UBE2H: variants seen among roughly 807,000 people sequenced by gnomAD.
UBE2H encodes ubiquitin-conjugating enzyme E2 H.
A neutral mutation model predicts 29.0 loss-of-function variants in UBE2H; 3 were observed. The ratio of observed to expected loss-of-function variants is 0.10; its 90% CI spans 0.05 to 0.27. UBE2H has a LOEUF of 0.27. Ranked by LOEUF, UBE2H falls within the 10% of genes least tolerant of loss-of-function variation. The pLI is 1.00. For synonymous variants in UBE2H, 69 were observed against 82.9 expected (o/e 0.83, Z 0.91); for missense variants, 68 against 228.2 (o/e 0.30, Z 4.52).
chr7:129,903,431 A>G (rs1324281985), intron 1 of UBE2H, among the ~76,000 whole-genome samples: 2 of 152,230 alleles, frequency 1.3e-5, no homozygotes, highest in Non-Finnish European at 2.9e-5. Context: ...GGAACATCCT[A>G]AGAGTGTCTG....
intron 1 of UBE2H, among the ~76,000 whole-genome samples, chr7:129,900,012 C>G (rs571787763): frequency 6.6e-6 from 1 of 152,028 alleles, no homozygotes; most frequent in South Asian, 2.1e-4. Context: ...CAACTGTAAC[C>G]CCAGCTACTC....
At chr7:129,875,327 A>G (rs996342543) in intron 3 of UBE2H, among the ~76,000 whole-genome samples, 1 of 152,218 alleles carries the variant, frequency 6.6e-6, no homozygotes, top group Admixed American at 6.5e-5. Flanking sequence ...AGGTGTTAAA[A>G]CATGACTAAT....
intron 1 of UBE2H, among the ~76,000 whole-genome samples, chr7:129,910,906 AG>A (rs1806922685): frequency 6.6e-6 from 1 of 152,050 alleles, no homozygotes; most frequent in African/African-American, 2.4e-5. Flanking sequence ...AAAACAAAAC[AG>A]GATCACTCTG....
intron 1 of UBE2H, among the ~76,000 whole-genome samples, chr7:129,885,925 C>T (rs554294658): frequency 1.3e-5 from 2 of 152,226 alleles, no homozygotes; most frequent in South Asian, 2.1e-4. Flanking sequence ...GGAGAGACCA[C>T]GAGTTTCTTT....
At chr7:129,858,108 AG>A (rs1395705648) in intron 4 of UBE2H, among the ~76,000 whole-genome samples, 1 of 152,222 alleles carries the variant, frequency 6.6e-6, no homozygotes, top group African/African-American at 2.4e-5. Flanking sequence ...CTTTATTGAA[AG>A]AAAAAAGTGC....
intron 1 of UBE2H, among the ~76,000 whole-genome samples, chr7:129,889,273 A>G (rs1806426149): frequency 6.6e-6 from 1 of 152,234 alleles, no homozygotes; most frequent in African/African-American, 2.4e-5. Context: ...GCAAAAGAGT[A>G]GGAAAGAAAT....
rs753851134 is a variant in UBE2H at position 129,891,953 on chromosome 7, C to CTTTTTTTTTTTTT, written c.54-10995_54-10983dup. On this transcript the variant is annotated intron_variant, in intron 1 of 6. Transcript: ENST00000355621. ...AGAATACTAAAAAAACATGCTACAC[C>CTTTTTTTTTTTTT]TTTTTTTTTTTTTTTTTGAGACGGA... Among the ~76,000 whole-genome samples the CTTTTTTTTTTTTT allele has an allele frequency of 1.3e-3, 167 of 127,072 alleles. 2 individuals carry two copies. Among genetic ancestry groups the CTTTTTTTTTTTTT allele is most frequent in the Middle Eastern group, 4.1e-3 (1 of 244 alleles). 83.4% of individuals were successfully genotyped at this position (127,072 alleles called of 152,430 possible).
intron 1 of UBE2H, among the ~76,000 whole-genome samples, chr7:129,944,473 T>C (rs1807714130): frequency 6.6e-6 from 1 of 151,030 alleles, no homozygotes. Context: ...GTGTTAAACA[T>C]GGCTGGGCAC....
chr7:129,848,587 T>C (rs1220667523), intron 5 of UBE2H, among the ~76,000 whole-genome samples: 2 of 152,262 alleles, frequency 1.3e-5, no homozygotes, highest in African/African-American at 2.4e-5. Flanking sequence ...TTGGTCATTA[T>C]AGTTGAAACT....
At chr7:129,863,297 G>A (rs150190972) in intron 3 of UBE2H, among the ~76,000 whole-genome samples, 36 of 152,308 alleles carry the variant, frequency 2.4e-4, no homozygotes, top group Non-Finnish European at 4.1e-4. Flanking sequence ...CTGAGCACTA[G>A]TACAGAGGGC....
intron 1 of UBE2H, among the ~76,000 whole-genome samples, chr7:129,898,628 T>C (rs1806646030): frequency 6.6e-6 from 1 of 152,156 alleles, no homozygotes; most frequent in Non-Finnish European, 1.5e-5. Flanking sequence ...GAAAAAACTA[T>C]TGAGTTTCCT....
rs572164824 is a variant in UBE2H at position 129,932,216 on chromosome 7, C to T, written c.53+20287G>A. On this transcript the variant is annotated intron_variant, in intron 1 of 6. Transcript: ENST00000355621. ...TCGGCTCACTGCAAGCTCCACCTCC[C>T]GGGTTCACACCATTCTCCTGCCTCA... Among the ~76,000 whole-genome samples, 16 of 151,468 alleles carry T rather than the reference C, an allele frequency of 1.1e-4. No homozygotes were observed. In the East Asian group the frequency reaches 1.4e-3, roughly 13 times the overall value.
At chr7:129,881,538 C>T (rs1806254037) in intron 1 of UBE2H, among the ~76,000 whole-genome samples, 1 of 152,108 alleles carries the variant, frequency 6.6e-6, no homozygotes, top group African/African-American at 2.4e-5. Context: ...GTCCCAGCTA[C>T]TCAGGAGGCC....
chr7:129,886,121 T>C (rs1261058041), intron 1 of UBE2H, among the ~76,000 whole-genome samples: 1 of 152,272 alleles, frequency 6.6e-6, no homozygotes, highest in Non-Finnish European at 1.5e-5. Flanking sequence ...GACATTGTTC[T>C]GGTAAAAACT....
rs1434487867 is a variant in UBE2H at position 129,833,820 on chromosome 7, G to C, written c.*1117C>G. ...CACTCCCACAAGCAGATGATGACCA[G>C]GCTGCTGCCAAGAGCAGCAGAAAAA... On this transcript the variant is annotated 3_prime_UTR_variant, in exon 7 of 7. Coordinates refer to ENST00000355621, the MANE Select transcript of UBE2H (RefSeq NM_003344.4). The C allele has an allele frequency of 6.6e-6, 1 of 152,240 alleles. No individual in the cohort carries two copies. Among genetic ancestry groups the C allele is most frequent in the East Asian group, 1.9e-4 (1 of 5,170 alleles). The allele number at this position is 152,240 out of a possible 1,614,324, so 9.4% of individuals were successfully genotyped here.
chr7:129,897,246 A>T (rs1021820948), intron 1 of UBE2H, among the ~76,000 whole-genome samples: 3 of 152,178 alleles, frequency 2.0e-5, no homozygotes, highest in Admixed American at 6.5e-5. Context: ...TTGAAACTCA[A>T]ATACCTATAA....
chr7:129,952,627 C>A lies in UBE2H; in HGVS notation c.-72G>T. 1 of 1,551,524 alleles carries A rather than the reference C, an allele frequency of 6.4e-7. No homozygotes were observed. Among genetic ancestry groups the A allele is most frequent in the Non-Finnish European group, 8.7e-7 (1 of 1,149,282 alleles). ...CCCGGGGCCCCGGCTCTGAGGAGCCCGCGGCCGCGCCGGCTCCTCGGTGGA... is the reference window on the plus strand; with the variant it reads ...CCCGGGGCCCCGGCTCTGAGGAGCCAGCGGCCGCGCCGGCTCCTCGGTGGA... On this transcript the variant is annotated 5_prime_UTR_variant, in exon 1 of 7. Coordinates refer to ENST00000355621, the MANE Select transcript of UBE2H (RefSeq NM_003344.4).
intron 4 of UBE2H, 137 bp downstream of exon 4, chr7:129,858,765 A>AT: frequency 1.4e-6 from 1 of 737,008 alleles, no homozygotes; most frequent in South Asian, 1.7e-5. Flanking sequence ...TTTGGATTCT[A>AT]TCATTTACAT....
At chr7:129,836,678 G>C (rs1353576620) in intron 6 of UBE2H, among the ~76,000 whole-genome samples, 1 of 151,910 alleles carries the variant, frequency 6.6e-6, no homozygotes, top group African/African-American at 2.4e-5. Flanking sequence ...TTAGGACTTC[G>C]AGACCAGCCT....
Sources: gnomAD v4.1 joint callset for allele counts (sites outside exome capture counted in the v4.1 genomes callset) on GRCh38, gnomAD v4.1.1 for gene constraint, MANE v1.5 for transcripts, NCBI Gene and HGNC (gene_info 2026-07-23, HGNC 2026-07-21) for gene names.